The following ZNF581 variants were observed in gnomAD, a reference collection of about 807,000 sequenced individuals.
ZNF581 encodes the protein zinc finger protein 581.
A neutral mutation model predicts 1.2 loss-of-function variants in ZNF581; 1 was observed. That is an observed-to-expected ratio of 0.83 (90% CI 0.30 to 3.95). The LOEUF is 3.95. Ranked by LOEUF, ZNF581 falls within the 30% of genes most tolerant of loss-of-function variation. ZNF581 has a pLI of 0.18. For synonymous variants in ZNF581, 105 were observed against 109.2 expected (o/e 0.96, Z 0.24); for missense variants, 273 against 274.6 (o/e 0.99, Z 0.04).
rs1982768709 is a variant in ZNF581 at position 55,645,026 on chromosome 19, G to A, written c.455G>A (p.Arg152His). ...GRPHGCPLCP[R>H]RFRDAGELAQ... is the part of the protein sequence containing the mutation. ...CCCCACGGCTGCCCGCTCTGCCCTC[G>A]CCGCTTCCGGGATGCGGGTGAGCTG... The change falls in exon 2 of 2, where the codon CGC becomes CAC. Residue 152 changes from arginine to histidine, a missense_variant. Coordinates refer to ENST00000270451, the MANE Select transcript of ZNF581 (RefSeq NM_016535.4). 6 of 1,590,930 alleles carry A rather than the reference G, an allele frequency of 3.8e-6. No homozygotes were observed. In the African/African-American group the frequency reaches 6.7e-5, roughly 18 times the overall value.
chr19:55,644,799 G>A lies in ZNF581; in HGVS notation c.228G>A (p.Gly76=). The change falls in exon 2 of 2, where the codon GGG becomes GGA. Residue 76 remains glycine (G), a synonymous_variant. Coordinates refer to ENST00000270451, the MANE Select transcript of ZNF581 (RefSeq NM_016535.4). The surrounding 1 kb of genome is among the most constrained non-coding windows in gnomAD (Gnocchi z 4.3). Reference sequence around the variant, plus strand: ...ACGAGGAGTCACAGAGGGAGCCAGGGGCCAGTGGGGCTCCAGGCCAGAAAA... The same window carrying A: ...ACGAGGAGTCACAGAGGGAGCCAGGAGCCAGTGGGGCTCCAGGCCAGAAAA... ...LVDEESQREP[G]ASGAPGQKKC... The A allele has an allele frequency of 6.2e-7, 1 of 1,612,704 alleles. No homozygotes were observed. The highest frequency in any genetic ancestry group is 8.5e-7 in the Non-Finnish European group (1 of 1,178,828).
Position 55,645,002 on chromosome 19 carries a change from C to T in ZNF581, c.431C>T (p.Pro144Leu), listed in dbSNP as rs780123360. The change falls in exon 2 of 2, where the codon CCC becomes CTC. Residue 144 changes from proline (P) to leucine (L), a missense_variant. By Grantham distance (98) the Pro-to-Leu change is moderately conservative (BLOSUM62 -3). Transcript: ENST00000270451. ...ATTCACCTGGCGGGTGGTGGGCGGC[C>T]CCACGGCTGCCCGCTCTGCCCTCGC... The part of the protein sequence containing the change: ...HSIHLAGGGR[P>L]HGCPLCPRRF... 2.6e-5 allele frequency: 42 copies of T among 1,599,482 alleles called. No individual in the cohort carries two copies. Among genetic ancestry groups the T allele is most frequent in the Non-Finnish European group, 3.3e-5 (38 of 1,168,738 alleles).
chr19:55,643,779 G>A lies in ZNF581; in HGVS notation c.-20+5G>A, dbSNP rs1450309775. 2 of 152,188 alleles carry A rather than the reference G, an allele frequency of 1.3e-5. No individual in the cohort carries two copies. Among genetic ancestry groups the A allele is most frequent in the Non-Finnish European group, 2.9e-5 (2 of 68,054 alleles). 9.4% of individuals were successfully genotyped at this position (152,188 alleles called of 1,614,324 possible). ...CCTGAGAGGCTGCTGCACTGGGTAC[G>A]GGGGCCGGGAGGAGGAAGGGGGCTG... On this transcript the variant is annotated splice_donor_5th_base_variant and intron_variant, in intron 1 of 1. Transcript: ENST00000270451.
At chr19:55,640,473 A>G, upstream of ZNF581, 1 of 985,412 alleles carries the variant, frequency 1.0e-6, no homozygotes, top group Non-Finnish European at 1.2e-6. Flanking sequence ...CCACCTGCGC[A>G]TGCAGCCGTC....
chr19:55,643,234 C>G (rs1471243532), upstream of ZNF581: 1 of 840,910 alleles, frequency 1.2e-6, no homozygotes. Flanking sequence ...AGTCGTTGCC[C>G]CTCCCTGGGC....
chr19:55,640,999 G>T, upstream of ZNF581: 2 of 985,356 alleles, frequency 2.0e-6, no homozygotes, highest in Non-Finnish European at 2.4e-6. Context: ...GCTTCCGGCC[G>T]GCGCCTTTTC....
At chr19:55,637,654 G>A (rs1007200715), upstream of ZNF581, among the ~76,000 whole-genome samples, 1 of 152,170 alleles carries the variant, frequency 6.6e-6, no homozygotes, top group Non-Finnish European at 1.5e-5. Flanking sequence ...TGGCAGCGGC[G>A]ATGGTGGGAT....
At chr19:55,640,527 GAAC>G (rs1982388951), upstream of ZNF581, 3 of 985,454 alleles carry the variant, frequency 3.0e-6, no homozygotes, top group Non-Finnish European at 3.6e-6. Context: ...CCCGTGGAAA[GAAC>G]ATACCTTCCC....
chr19:55,642,540 C>T (rs1285979337), upstream of ZNF581: 2 of 1,444,520 alleles, frequency 1.4e-6, no homozygotes. Flanking sequence ...CCACCCCACC[C>T]TCGGTCCTCC....
At chr19:55,641,663 G>A (rs1044100417), upstream of ZNF581, 1 of 151,636 alleles carries the variant, frequency 6.6e-6, no homozygotes, top group Non-Finnish European at 1.5e-5. Context: ...GGTACAGAAA[G>A]AAGTAACGAT....
At chr19:55,635,195 T>G (rs1982025776), upstream of ZNF581, 1 of 151,894 alleles carries the variant, frequency 6.6e-6, no homozygotes, top group Non-Finnish European at 1.5e-5. Flanking sequence ...GAAGGAGGCT[T>G]GGGGAGGGGC....
At chr19:55,640,514 T>C (rs1439120432), upstream of ZNF581, 4 of 985,456 alleles carry the variant, frequency 4.1e-6, no homozygotes, top group Non-Finnish European at 4.8e-6. Context: ...TTCCCGCATG[T>C]GCCCCGTGGA....
chr19:55,640,810 G>A (rs1188388964), upstream of ZNF581: 3 of 985,504 alleles, frequency 3.0e-6, no homozygotes, highest in African/African-American at 5.2e-5. Context: ...TTTATTGGCC[G>A]ATCTCTTGTC....
At chr19:55,642,912 T>A, upstream of ZNF581, 1 of 1,527,312 alleles carries the variant, frequency 6.5e-7, no homozygotes, top group Non-Finnish European at 8.7e-7. Context: ...TCCAGCCACC[T>A]GTCGCGGCAT....
chr19:55,644,927 T>C lies in ZNF581; in HGVS notation c.356T>C (p.Ile119Thr). 2 of 1,613,656 alleles carry C rather than the reference T, an allele frequency of 1.2e-6. No homozygotes were observed. Among genetic ancestry groups the C allele is most frequent in the Non-Finnish European group, 1.7e-6 (2 of 1,179,742 alleles). The change falls in exon 2 of 2, where the codon ATC (isoleucine) becomes ACC (threonine). Residue 119 changes from isoleucine to threonine, a missense_variant. Coordinates refer to ENST00000270451, the MANE Select transcript of ZNF581 (RefSeq NM_016535.4). This position sits in a 1 kb window ranked among gnomAD's most constrained non-coding sequence, Gnocchi z 4.3. ...HSEVKPFECD[I>T]CGKAFKRASH... ...GAGGTAAAGCCCTTCGAGTGTGACATCTGTGGGAAGGCATTCAAGCGCGCC... is the reference window on the plus strand; with the variant it reads ...GAGGTAAAGCCCTTCGAGTGTGACACCTGTGGGAAGGCATTCAAGCGCGCC...
At chr19:55,635,384 AG>A, upstream of ZNF581, 1 of 152,388 alleles carries the variant, frequency 6.6e-6, no homozygotes, top group Non-Finnish European at 1.5e-5. Flanking sequence ...CCTTGAGAAG[AG>A]GGGGTGGCCA....
chr19:55,642,010 C>T (rs1249865193), upstream of ZNF581: 30 of 828,874 alleles, frequency 3.6e-5, no homozygotes, highest in South Asian at 6.0e-5. Context: ...GAGGCCGATA[C>T]GGGGGCCGGT....
At chr19:55,638,483 C>T (rs1413819839), upstream of ZNF581, among the ~76,000 whole-genome samples, 1 of 152,162 alleles carries the variant, frequency 6.6e-6, no homozygotes. Flanking sequence ...AATCTGCCCG[C>T]CTCGCCCTCC....
chr19:55,635,120 G>C (rs1982022398), upstream of ZNF581: 1 of 152,218 alleles, frequency 6.6e-6, no homozygotes, highest in Non-Finnish European at 1.5e-5. Flanking sequence ...GCCCAAGTGA[G>C]GGACTTGGGG....
Sources: gnomAD v4.1 joint callset for allele counts (sites outside exome capture counted in the v4.1 genomes callset) on GRCh38, gnomAD v4.1.1 for gene constraint, Gnocchi (gnomAD v3.1) non-coding constraint, MANE v1.5 for transcripts, NCBI Gene and HGNC (gene_info 2026-07-23, HGNC 2026-07-21) for gene names.